The following SLC39A12 variants were observed in gnomAD, a reference collection of about 807,000 sequenced individuals.
SLC39A12 encodes zinc transporter ZIP12.
In SLC39A12, 63 loss-of-function variants were observed where a neutral mutation model predicts 71.1. That is an observed-to-expected ratio of 0.89 (90% CI 0.72 to 1.09). SLC39A12 has a LOEUF of 1.09. Among genes scored for constraint, SLC39A12 ranks in the 50% least tolerant of loss-of-function variants. The pLI is 0.00. For missense variants in SLC39A12, 892 were observed against 812.6 expected (o/e 1.10, Z -1.19); for synonymous variants, 351 against 301.3 (o/e 1.16, Z -1.71).
chr10:18,021,229 C>G (rs988746162), intron 12 of SLC39A12, among the ~76,000 whole-genome samples: 1 of 151,676 alleles, frequency 6.6e-6, no homozygotes, highest in Non-Finnish European at 1.5e-5. Flanking sequence ...AATAGAGAGG[C>G]CTTTTCTGCT....
chr10:18,037,387 A>T (rs1416761377), intron 12 of SLC39A12, among the ~76,000 whole-genome samples: 1 of 151,770 alleles, frequency 6.6e-6, no homozygotes, highest in Admixed American at 6.6e-5. Context: ...ACAAGGATGA[A>T]TTTCAGATAG....
intron 11 of SLC39A12, chr10:18,002,120 T>A (rs947006801): frequency 1.3e-5 from 2 of 152,082 alleles, no homozygotes; most frequent in Admixed American, 6.5e-5. Flanking sequence ...GGACGCAAGA[T>A]GGGTTAGAAC....
chr10:18,029,331 C>A (rs1836771058), intron 12 of SLC39A12, among the ~76,000 whole-genome samples: 1 of 152,166 alleles, frequency 6.6e-6, no homozygotes. Context: ...GAATTTCTTA[C>A]CTGTGCCATG....
At chr10:17,997,691 C>T (rs531947844) in intron 10 of SLC39A12, among the ~76,000 whole-genome samples, 44 of 152,238 alleles carry the variant, frequency 2.9e-4, no homozygotes, top group Non-Finnish European at 5.0e-4. Flanking sequence ...CTCAACTGCC[C>T]CTTTGCCAGG....
chr10:18,013,544 A>T (rs1836293685), intron 12 of SLC39A12, among the ~76,000 whole-genome samples: 1 of 151,748 alleles, frequency 6.6e-6, no homozygotes, highest in Admixed American at 6.6e-5. Flanking sequence ...ATTTTAAAAA[A>T]TGTTTTTTGT....
chr10:18,025,841 G>T (rs1261868367), intron 12 of SLC39A12, among the ~76,000 whole-genome samples: 1 of 152,084 alleles, frequency 6.6e-6, no homozygotes, highest in African/African-American at 2.4e-5. Flanking sequence ...CTTATTTTTA[G>T]CATATAAATC....
In SLC39A12 at chr10:17,965,676, C is replaced by T. The variant is rs751637613; in HGVS notation, c.737C>T (p.Thr246Ile). The part of the protein sequence containing the change: ...YIFSSLNRTN[T>I]LRLSELDQLL... ...TTCAGTTCCTTGAATCGTACGAATACCCTCCGCCTATCAGGTAAGGATGTT... is the reference window on the plus strand; with the variant it reads ...TTCAGTTCCTTGAATCGTACGAATATCCTCCGCCTATCAGGTAAGGATGTT... The change falls in exon 4 of 13, where the codon ACC becomes ATC. Residue 246 changes from threonine (T) to isoleucine (I), a missense_variant. Transcript: ENST00000377369. The T allele has an allele frequency of 1.2e-5, 19 of 1,613,278 alleles. No homozygotes were observed. Among genetic ancestry groups the T allele is most frequent in the South Asian group, 7.7e-5 (7 of 91,024 alleles).
intron 12 of SLC39A12, among the ~76,000 whole-genome samples, chr10:18,017,390 C>T (rs972713244): frequency 2.0e-5 from 3 of 152,132 alleles, no homozygotes; most frequent in Admixed American, 6.5e-5. Flanking sequence ...CTCACTGCAA[C>T]CTCTGCCTCC....
At chr10:17,977,596 G>T (rs1454475723) in intron 4 of SLC39A12, among the ~76,000 whole-genome samples, 1 of 152,090 alleles carries the variant, frequency 6.6e-6, no homozygotes, top group Non-Finnish European at 1.5e-5. Context: ...CACTTAAAAG[G>T]AAAACAATTT....
At chr10:18,036,776 A>ATT (rs1837048334) in intron 12 of SLC39A12, among the ~76,000 whole-genome samples, 1 of 8,216 alleles carries the variant, frequency 1.2e-4, no homozygotes, top group African/African-American at 4.5e-4. Flanking sequence ...ATATATATAT[A>ATT]TATATATATA....
intron 4 of SLC39A12, among the ~76,000 whole-genome samples, chr10:17,975,894 C>T (rs1001195547): frequency 6.6e-6 from 1 of 152,130 alleles, no homozygotes; most frequent in African/African-American, 2.4e-5. Context: ...TTAAATGCTT[C>T]CTCCATGGGC....
rs533074150 is a variant in SLC39A12 at position 18,033,049 on chromosome 10, T to A, written c.1948-9656T>A. Among the ~76,000 whole-genome samples, 261 of 151,644 alleles carry A rather than the reference T, an allele frequency of 1.7e-3. 1 individual carries two copies. Among genetic ancestry groups the A allele is most frequent in the Non-Finnish European group, 2.3e-3 (156 of 67,976 alleles). ...TTTGGATGTGCTGCCGGATTCGGTT[T>A]GCCAGTATTTTATTGAGGATTTTTG... On this transcript the variant is annotated intron_variant, in intron 12 of 12. Transcript: ENST00000377369.
chr10:18,035,486 T>C (rs1836976967), intron 12 of SLC39A12, among the ~76,000 whole-genome samples: 2 of 146,942 alleles, frequency 1.4e-5, no homozygotes, highest in Non-Finnish European at 1.5e-5. Flanking sequence ...CGAGCCTTGG[T>C]TTTCAGCTCC....
rs1304660674 is a variant in SLC39A12, at chr10:17,992,043, C to T, written c.1422+740C>T. Among the ~76,000 whole-genome samples the T allele has an allele frequency of 5.8e-5, 8 of 136,826 alleles. No individual in the cohort carries two copies. The East Asian group carries it at 6.5e-4, about 11-fold the overall frequency. 89.8% of individuals were successfully genotyped at this position (136,826 alleles called of 152,430 possible). On this transcript the variant is annotated intron_variant, in intron 8 of 12. Transcript: ENST00000377369. Reference sequence around the variant, plus strand: ...GGTAGAGGTTGCAGTGAGCCGAGATCGCGCCACTACACTCCAGCCTGGGTG... The same window carrying T: ...GGTAGAGGTTGCAGTGAGCCGAGATTGCGCCACTACACTCCAGCCTGGGTG...
rs199828982 is a variant in SLC39A12 at position 17,953,533 on chromosome 10, A to G, written c.257A>G (p.Asn86Ser). The change falls in exon 2 of 13, where the codon AAT becomes AGT. Residue 86 changes from asparagine to serine, a missense_variant. Transcript: ENST00000377369. ...AGAAACGGAATGCAAGGAGATTGCA[A>G]TCTGGTTAGTGAAATAGAATGGGGT... The part of the protein sequence containing the change: ...RRRNGMQGDC[N>S]LCFEPDALLL... 55 of 1,614,006 alleles carry G rather than the reference A, an allele frequency of 3.4e-5. No homozygotes were observed. In the African/African-American group the frequency reaches 4.5e-4, roughly 13 times the overall value.
chr10:17,984,012 G>T (rs754129519), intron 6 of SLC39A12, among the ~76,000 whole-genome samples: 2 of 152,180 alleles, frequency 1.3e-5, no homozygotes, highest in Non-Finnish European at 2.9e-5. Context: ...CCAGGAAAGA[G>T]TATTATGGCC....
chr10:17,963,830 C>T (rs1398807829), intron 3 of SLC39A12, among the ~76,000 whole-genome samples: 2 of 152,182 alleles, frequency 1.3e-5, no homozygotes, highest in African/African-American at 2.4e-5. Flanking sequence ...ACGGCTGCTC[C>T]AAGTGGGCCT....
At chr10:18,014,952 T>A (rs1027756347) in intron 12 of SLC39A12, among the ~76,000 whole-genome samples, 5 of 152,194 alleles carry the variant, frequency 3.3e-5, no homozygotes, top group Non-Finnish European at 7.3e-5. Context: ...AGTAGTGTGA[T>A]TGACTTCATG....
chr10:18,040,650 T>C (rs963790919), intron 12 of SLC39A12, among the ~76,000 whole-genome samples: 9 of 151,850 alleles, frequency 5.9e-5, no homozygotes, highest in African/African-American at 2.2e-4. Flanking sequence ...ATGCCTATAG[T>C]TCCAGCTACT....
Sources: allele counts gnomAD v4.1 joint callset (sites outside exome capture counted in the v4.1 genomes callset), GRCh38; gene constraint gnomAD v4.1.1; transcripts MANE v1.5; gene names NCBI Gene and HGNC (gene_info 2026-07-23, HGNC 2026-07-21).